The following GNA11 variants were observed in gnomAD, a reference collection of about 807,000 sequenced individuals.
GNA11 encodes G protein subunit alpha 11, also known as guanine nucleotide-binding protein subunit alpha-11.
GNA11 carries 8 observed loss-of-function variants against 38.2 expected under a neutral mutation model. That is an observed-to-expected ratio of 0.21 (90% CI 0.12 to 0.38). The LOEUF (loss-of-function observed/expected upper bound fraction) is 0.38, where lower values mean the gene tolerates loss of function less well. Ranked by LOEUF, GNA11 falls within the 10% of genes least tolerant of loss-of-function variation. The probability of loss-of-function intolerance (pLI) is 1.00; values close to 1 mark genes in which losing one functional copy is unlikely to be tolerated. For missense variants in GNA11, 268 were observed against 516.3 expected (o/e 0.52, Z 4.66); for synonymous variants, 211 against 221.4 (o/e 0.95, Z 0.42).
At position 3,122,731 on chromosome 19, in the gene GNA11, AGAAAC is replaced by A. The variant is rs1290875633; in HGVS notation, c.*1553_*1557del. 8.6e-6 allele frequency: 2 copies of A among 233,470 alleles called. No individual in the cohort carries two copies. The highest frequency in any genetic ancestry group is 6.0e-5 in the East Asian group (1 of 16,592). The allele number at this position is 233,470 out of a possible 1,614,324, so 14.5% of individuals were successfully genotyped here. ...GCTTCTGGCCTCGACAGATGACAAA[AGAAAC>A]AGCCCCAAAATACGACCACTCCAAC... On this transcript the variant is annotated 3_prime_UTR_variant, in exon 7 of 7. Transcript: ENST00000078429. The surrounding 1 kb of genome is among the most constrained non-coding windows in gnomAD (Gnocchi z 7.7).
intron 1 of GNA11, among the ~76,000 whole-genome samples, chr19:3,099,764 C>T (rs1035655312): frequency 8.5e-5 from 13 of 152,230 alleles, no homozygotes; most frequent in Non-Finnish European, 1.2e-4. Flanking sequence ...AGCCTGGCCT[C>T]CCGCAGTCTG....
In GNA11 at chr19:3,103,519, C is replaced by CGTTTTTTTTT. The variant is rs1370578226; in HGVS notation, c.137-6630_137-6629insGTTTTTTTTT. 6.5e-5 allele frequency among the ~76,000 whole-genome samples: 3 copies of CGTTTTTTTTT among 45,814 alleles called. 1 individual carries two copies. The highest frequency in any genetic ancestry group is 2.4e-4 in the African/African-American group (3 of 12,508). The allele number at this position is 45,814 out of a possible 152,430, so 30.1% of individuals were successfully genotyped here. On this transcript the variant is annotated intron_variant, in intron 1 of 6. Coordinates refer to ENST00000078429, the MANE Select transcript of GNA11 (RefSeq NM_002067.5). ...TGAGCCACTGCGCCCGGCCTTGAAT[C>CGTTTTTTTTT]TTTTTTTTTTTTTTTTTTTTTTTTT... is the stretch of plus-strand genomic sequence containing the variant.
intron 1 of GNA11, among the ~76,000 whole-genome samples, chr19:3,100,138 G>A (rs367777017): frequency 1.4e-5 from 2 of 147,092 alleles, no homozygotes; most frequent in South Asian, 2.2e-4. Flanking sequence ...CTGGGATCTG[G>A]GATCTGCCCA....
At chr19:3,102,622 T>G (rs1913533724) in intron 1 of GNA11, among the ~76,000 whole-genome samples, 1 of 152,306 alleles carries the variant, frequency 6.6e-6, no homozygotes, top group Non-Finnish European at 1.5e-5. Flanking sequence ...CAGCTTGTCC[T>G]CTCCGTGCCT....
At position 3,123,935 on chromosome 19, in the gene GNA11, C is replaced by T. The variant is rs1054461676; in HGVS notation, c.*2756C>T. ...CCTTAATCCAGACACCGATGGAAGT[C>T]GACTTTTCATATCTTTCTCCTGAAA... On this transcript the variant is annotated 3_prime_UTR_variant, in exon 7 of 7. Transcript: ENST00000078429. The T allele has an allele frequency of 5.6e-5, 13 of 230,742 alleles. 1 individual carries two copies. The highest frequency in any genetic ancestry group is 3.6e-4 in the South Asian group (2 of 5,514). The allele number at this position is 230,742 out of a possible 1,614,324, so 14.3% of individuals were successfully genotyped here.
At chr19:3,102,750 G>A (rs308032) in intron 1 of GNA11, among the ~76,000 whole-genome samples, 16 of 152,086 alleles carry the variant, frequency 1.1e-4, no homozygotes, top group African/African-American at 3.4e-4. Context: ...TCCGTCCTCC[G>A]CTGCAGGAGG....
chr19:3,107,264 G>T (rs1456348227), intron 1 of GNA11, among the ~76,000 whole-genome samples: 1 of 152,102 alleles, frequency 6.6e-6, no homozygotes, highest in Non-Finnish European at 1.5e-5. Flanking sequence ...CCAAACAGTA[G>T]TACCGAGCCA....
In GNA11 at chr19:3,120,812, C is replaced by T. The variant is rs527997675; in HGVS notation, c.890-177C>T. 3.9e-5 allele frequency among the ~76,000 whole-genome samples: 6 copies of T among 152,152 alleles called. No individual in the cohort carries two copies. Among genetic ancestry groups the T allele is most frequent in the Non-Finnish European group, 7.4e-5 (5 of 67,970 alleles). Reference sequence around the variant, plus strand: ...CCTGGGGCTACAGTGGGATTGGCACCGCAGCTCACCTGGGGAGGGAGGGGA... The same window carrying T: ...CCTGGGGCTACAGTGGGATTGGCACTGCAGCTCACCTGGGGAGGGAGGGGA... On this transcript the variant is annotated intron_variant, in intron 6 of 6. Coordinates refer to ENST00000078429, the MANE Select transcript of GNA11 (RefSeq NM_002067.5). This position sits in a 1 kb window ranked among gnomAD's most constrained non-coding sequence, Gnocchi z 5.9.
Position 3,122,891 on chromosome 19 carries a change from G to A in GNA11, c.*1712G>A. ...GGAAGGGTCAGGGGAGACCAGGTCA[G>A]GGCAGCTACATTTCTGGTGATCAGC... On this transcript the variant is annotated 3_prime_UTR_variant, in exon 7 of 7. Transcript: ENST00000078429. This position sits in a 1 kb window ranked among gnomAD's most constrained non-coding sequence, Gnocchi z 7.7. 4.3e-6 allele frequency: 1 copy of A among 233,448 alleles called. No individual in the cohort carries two copies. The allele number at this position is 233,448 out of a possible 1,614,324, so 14.5% of individuals were successfully genotyped here.
intron 3 of GNA11, among the ~76,000 whole-genome samples, chr19:3,113,834 G>A (rs1170613097): frequency 1.3e-5 from 2 of 152,202 alleles, no homozygotes; most frequent in East Asian, 3.9e-4. Context: ...GCCGTGGGAT[G>A]GGAGGTAGAC....
At chr19:3,104,203 C>T (rs938583302) in intron 1 of GNA11, among the ~76,000 whole-genome samples, 8 of 152,246 alleles carry the variant, frequency 5.3e-5, no homozygotes, top group Admixed American at 1.3e-4. Context: ...CCTTTTCTTC[C>T]GTTTTCCTTT....
In GNA11 at chr19:3,123,880, G is replaced by A. The variant is rs1427651856; in HGVS notation, c.*2701G>A. The A allele has an allele frequency of 2.2e-5, 5 of 232,506 alleles. No homozygotes were observed. The highest frequency in any genetic ancestry group is 4.2e-5 in the Non-Finnish European group (5 of 117,650). 14.4% of individuals were successfully genotyped at this position (232,506 alleles called of 1,614,324 possible). A position where few individuals can be genotyped will look rare whatever the true frequency, so the allele number is the denominator to read the frequency against. ...GGAGGAGGGGCTGAGGAGCGGCTCA[G>A]TGTCACCTCCCACAGCCACCGGCCC... On this transcript the variant is annotated 3_prime_UTR_variant, in exon 7 of 7. Transcript: ENST00000078429.
Position 3,120,952 on chromosome 19 carries a change from G to C in GNA11, c.890-37G>C, listed in dbSNP as rs749176772. ...GCCCACGAGTCCCTTGCCCTGGGCC[G>C]GGCTGGGGCACAGCCTCACCCTCTG... is the stretch of plus-strand genomic sequence containing the variant. On this transcript the variant is annotated intron_variant, in intron 6 of 6. Transcript: ENST00000078429. The surrounding 1 kb of genome is among the most constrained non-coding windows in gnomAD (Gnocchi z 5.9). The C allele has an allele frequency of 6.5e-7, 1 of 1,547,374 alleles. No individual in the cohort carries two copies. The highest frequency in any genetic ancestry group is 1.2e-5 in the South Asian group (1 of 86,726).
rs372626944 is a variant in GNA11 at position 3,114,924 on chromosome 19, C to T, written c.477-20C>T. The T allele has an allele frequency of 2.5e-6, 4 of 1,592,118 alleles. No homozygotes were observed. Among genetic ancestry groups the T allele is most frequent in the Non-Finnish European group, 3.4e-6 (4 of 1,166,094 alleles). ...CCCCACCCCCGGCAGCCGGCCTGAG[C>T]ACCCACCGCTGTGTTGCAGCTACCT... On this transcript the variant is annotated intron_variant, in intron 3 of 6. Coordinates refer to ENST00000078429, the MANE Select transcript of GNA11 (RefSeq NM_002067.5).
chr19:3,114,224 C>T (rs550427650), intron 3 of GNA11, among the ~76,000 whole-genome samples: 2 of 152,288 alleles, frequency 1.3e-5, no homozygotes, highest in South Asian at 2.1e-4. Context: ...GGCCTCCTCG[C>T]GGTGCCGGAA....
chr19:3,119,545 T>G lies in GNA11; in HGVS notation c.889+186T>G, dbSNP rs1914014395. 1.4e-5 allele frequency among the ~76,000 whole-genome samples: 2 copies of G among 140,216 alleles called. No individual in the cohort carries two copies. Among genetic ancestry groups the G allele is most frequent in the Non-Finnish European group, 3.1e-5 (2 of 65,530 alleles). 92.0% of individuals were successfully genotyped at this position (140,216 alleles called of 152,430 possible). On this transcript the variant is annotated intron_variant, in intron 6 of 6. Transcript: ENST00000078429. The surrounding 1 kb of genome is among the most constrained non-coding windows in gnomAD (Gnocchi z 4.6). ...CGTATGAGGGGGGCCTGTACGGGAATGAGTTCTCCGACGCGGGTGTCTCAT... is the reference window on the plus strand; with the variant it reads ...CGTATGAGGGGGGCCTGTACGGGAAGGAGTTCTCCGACGCGGGTGTCTCAT...
rs905127502 is a variant in GNA11 at position 3,122,954 on chromosome 19, C to T, written c.*1775C>T. The stretch of plus-strand genomic sequence containing the variant: ...CGGGGCTGGCGGGATACCCCCCCCC[C>T]GGCTTCCCCACACCACTTCTGTCTC... On this transcript the variant is annotated 3_prime_UTR_variant, in exon 7 of 7. Transcript: ENST00000078429. This position sits in a 1 kb window ranked among gnomAD's most constrained non-coding sequence, Gnocchi z 7.7. 1.7e-5 allele frequency: 4 copies of T among 231,990 alleles called. No homozygotes were observed. Among genetic ancestry groups the T allele is most frequent in the South Asian group, 1.8e-4 (1 of 5,496 alleles). 14.4% of individuals were successfully genotyped at this position (231,990 alleles called of 1,614,324 possible).
chr19:3,097,583 T>C (rs564221526), intron 1 of GNA11, among the ~76,000 whole-genome samples: 1 of 152,304 alleles, frequency 6.6e-6, no homozygotes, highest in East Asian at 1.9e-4. Context: ...GTCTGCTCGC[T>C]CTCATCCACT....
intron 1 of GNA11, among the ~76,000 whole-genome samples, chr19:3,104,297 G>A (rs1035541268): frequency 2.6e-5 from 4 of 152,272 alleles, no homozygotes; most frequent in African/African-American, 9.6e-5. Context: ...GTCCAGTCGG[G>A]AGGGTGGTTT....
Sources: gnomAD v4.1 joint callset for allele counts (sites outside exome capture counted in the v4.1 genomes callset) on GRCh38, gnomAD v4.1.1 for gene constraint, Gnocchi (gnomAD v3.1) non-coding constraint, MANE v1.5 for transcripts, NCBI Gene and HGNC (gene_info 2026-07-23, HGNC 2026-07-21) for gene names.